The following PLA2G7 variants were observed in gnomAD, a reference collection of about 807,000 sequenced individuals.
The protein encoded by PLA2G7 is phospholipase A2 group VII.
In PLA2G7, 63 loss-of-function variants were observed where a neutral mutation model predicts 49.6. That is an observed-to-expected ratio of 1.27 (90% CI 1.04 to 1.57). The LOEUF (loss-of-function observed/expected upper bound fraction) is 1.57. Among genes scored for constraint, PLA2G7 ranks in the 40% most tolerant of loss-of-function variants. The probability of loss-of-function intolerance (pLI) is 0.00; values close to 1 mark genes in which losing one functional copy is unlikely to be tolerated. For missense variants in PLA2G7, 596 were observed against 521.2 expected (o/e 1.14, Z -1.40); for synonymous variants, 193 against 169.9 (o/e 1.14, Z -1.06).
At position 46,732,963 on chromosome 6, in the gene PLA2G7, T is replaced by C. The variant is rs531956898; in HGVS notation, c.-35+2217A>G. 5.9e-5 allele frequency among the ~76,000 whole-genome samples: 9 copies of C among 152,312 alleles called. No homozygotes were observed. In the South Asian group the frequency reaches 1.5e-3, roughly 25 times the overall value. ...CATCTTGAGACGTCAGTCAGGCTTA[T>C]TATCACGAATCTTGAAAAAAAATTA... On this transcript the variant is annotated intron_variant, in intron 1 of 11. Coordinates refer to ENST00000274793, the MANE Select transcript of PLA2G7 (RefSeq NM_005084.4).
chr6:46,706,536 G>A (rs1186745327), intron 10 of PLA2G7, among the ~76,000 whole-genome samples: 1 of 152,206 alleles, frequency 6.6e-6, no homozygotes, highest in Non-Finnish European at 1.5e-5. Context: ...GATGCAGAGA[G>A]CAAGGTTGAG....
intron 10 of PLA2G7, 84 bp from the exon 11 acceptor site, chr6:46,705,385 CTTG>C: frequency 2.7e-6 from 3 of 1,097,390 alleles, no homozygotes; most frequent in South Asian, 1.3e-5. Context: ...AGGTACTGGT[CTTG>C]TTGGTCTGTT....
intron 5 of PLA2G7, among the ~76,000 whole-genome samples, chr6:46,713,435 T>C (rs971577513): frequency 3.3e-5 from 5 of 152,114 alleles, no homozygotes; most frequent in African/African-American, 9.7e-5. Flanking sequence ...CCATAGACAG[T>C]GTACAAAAAT....
intron 2 of PLA2G7, among the ~76,000 whole-genome samples, chr6:46,720,742 C>T (rs751967422): frequency 3.6e-4 from 55 of 152,322 alleles, no homozygotes; most frequent in African/African-American, 1.2e-3. Context: ...AGGATTGGAA[C>T]CTATGGCATG....
chr6:46,711,152 C>T lies in PLA2G7; in HGVS notation c.663+344G>A, dbSNP rs148042078. Among the ~76,000 whole-genome samples, 418 of 152,282 alleles carry T rather than the reference C, an allele frequency of 2.7e-3. 2 individuals are homozygous for T. The highest frequency in any genetic ancestry group is 9.4e-3 in the African/African-American group (392 of 41,570). ...CCCATACTCTTAATTCTATTGTATA[C>T]TGCCTCTCTGAAAAGTAGTCTTTTT... On this transcript the variant is annotated intron_variant, in intron 7 of 11. Coordinates refer to ENST00000274793, the MANE Select transcript of PLA2G7 (RefSeq NM_005084.4).
chr6:46,704,467 C>T lies in PLA2G7; in HGVS notation c.*93G>A. 1 of 418,678 alleles carries T rather than the reference C, an allele frequency of 2.4e-6. No individual in the cohort carries two copies. The highest frequency in any genetic ancestry group is 4.0e-6 in the Non-Finnish European group (1 of 248,944). 25.9% of individuals were successfully genotyped at this position (418,678 alleles called of 1,614,324 possible). A position where few individuals can be genotyped will look rare whatever the true frequency, so the allele number is the denominator to read the frequency against. The stretch of plus-strand genomic sequence containing the variant: ...TCTCTCTCTCTCTCTCTCTCTCTCT[C>T]TCTCTCTCTCTCACACACACACACA... On this transcript the variant is annotated 3_prime_UTR_variant, in exon 12 of 12. Coordinates refer to ENST00000274793, the MANE Select transcript of PLA2G7 (RefSeq NM_005084.4).
chr6:46,716,598 A>G, intron 3 of PLA2G7, 70 bp from the exon 4 acceptor site: 1 of 1,522,050 alleles, frequency 6.6e-7, no homozygotes, highest in Non-Finnish European at 9.1e-7. Flanking sequence ...GCTATTTTGC[A>G]TATTTAATTA....
At chr6:46,706,633 A>G (rs1764840914) in intron 10 of PLA2G7, among the ~76,000 whole-genome samples, 1 of 152,248 alleles carries the variant, frequency 6.6e-6, no homozygotes, top group Admixed American at 6.5e-5. Flanking sequence ...AAGCTAGACC[A>G]CAAGAGTCAA....
At position 46,709,415 on chromosome 6, in the gene PLA2G7, A is replaced by T; in HGVS notation, c.781T>A (p.Ser261Thr). ...LKFDMEQLKDSIDREKIAVIG... is the reference protein window; with the variant it reads ...LKFDMEQLKDTIDREKIAVIG... ...ACTGCTATTTTTTCCCTATCAATAG[A>T]GTCCTATTTGAAAAAGCATGATATA... Residue 261 changes from serine (S) to threonine (T), a missense_variant, in exon 9 of 12, where the codon TCT (serine) becomes ACT (threonine). Coordinates refer to ENST00000274793, the MANE Select transcript of PLA2G7 (RefSeq NM_005084.4). The T allele has an allele frequency of 4.5e-6, 7 of 1,562,430 alleles. No individual in the cohort carries two copies. The highest frequency in any genetic ancestry group is 6.2e-6 in the Non-Finnish European group (7 of 1,133,456).
rs779694826 is a variant in PLA2G7, at chr6:46,708,059, A to C, written c.972T>G (p.Tyr324Ter). ...LFFINSEYFQ[Y>*]PANIIKMKKC... The stretch of plus-strand genomic sequence containing the variant: ...TTTTCATTTTTATGATATTAGCAGG[A>C]TATTGGAAATATTCAGAGTTGATAA... Residue 324 changes from tyrosine to a stop codon, truncating the protein, a stop_gained, in exon 10 of 12, where the codon TAT (tyrosine) becomes TAG (stop). Transcript: ENST00000274793. LOFTEE classifies it high-confidence loss of function. The C allele has an allele frequency of 4.4e-6, 7 of 1,591,816 alleles. No individual in the cohort carries two copies. Among genetic ancestry groups the C allele is most frequent in the South Asian group, 3.3e-5 (3 of 90,616 alleles).
chr6:46,731,133 A>G (rs1023598384), intron 1 of PLA2G7, among the ~76,000 whole-genome samples: 3 of 152,232 alleles, frequency 2.0e-5, no homozygotes, highest in African/African-American at 7.2e-5. Context: ...GAGTCAGGAA[A>G]GAGAAATAGA....
chr6:46,720,277 CA>C (rs1285394813), intron 2 of PLA2G7, among the ~76,000 whole-genome samples: 1 of 152,238 alleles, frequency 6.6e-6, no homozygotes, highest in Non-Finnish European at 1.5e-5. Context: ...TCACCCAACA[CA>C]AGCCTCCGCT....
At chr6:46,716,666 T>C (rs1202055656) in intron 3 of PLA2G7, 138 bp from the exon 4 acceptor site, 4 of 794,032 alleles carry the variant, frequency 5.0e-6, no homozygotes, top group Admixed American at 5.2e-5. Context: ...TTTAGGCTGC[T>C]GTGGTGATTG....
chr6:46,718,878 T>C (rs923177979), intron 2 of PLA2G7, among the ~76,000 whole-genome samples: 10 of 152,236 alleles, frequency 6.6e-5, no homozygotes, highest in African/African-American at 2.4e-4. Context: ...GTCTGGCACA[T>C]AGTCAATGCT....
intron 1 of PLA2G7, among the ~76,000 whole-genome samples, chr6:46,723,150 T>C (rs1395013055): frequency 6.6e-6 from 1 of 152,142 alleles, no homozygotes; most frequent in Non-Finnish European, 1.5e-5. Flanking sequence ...AGCAGAGAAA[T>C]AATACTTTCA....
At chr6:46,705,521 A>G (rs933353883) in intron 10 of PLA2G7, among the ~76,000 whole-genome samples, 3 of 152,188 alleles carry the variant, frequency 2.0e-5, no homozygotes, top group African/African-American at 7.2e-5. Context: ...AATACAACTC[A>G]AAGAATCTTG....
At chr6:46,721,992 A>G (rs1226000987) in intron 2 of PLA2G7, among the ~76,000 whole-genome samples, 1 of 152,128 alleles carries the variant, frequency 6.6e-6, no homozygotes, top group Non-Finnish European at 1.5e-5. Context: ...TGCTCTCCAT[A>G]GGAGACTGGA....
intron 1 of PLA2G7, 124 bp from the exon 2 acceptor site, chr6:46,723,049 G>T (rs1346532090): frequency 1.6e-6 from 1 of 641,062 alleles, no homozygotes; most frequent in Admixed American, 2.3e-5. Context: ...TATTTTCTGT[G>T]CTGGGTTTTA....
intron 11 of PLA2G7, among the ~76,000 whole-genome samples, 167 bp downstream of exon 11, chr6:46,704,986 A>G (rs1370247138): frequency 2.0e-5 from 3 of 152,290 alleles, no homozygotes; most frequent in South Asian, 2.1e-4. Context: ...AGAGGATGTA[A>G]AGCAGCAAAA....
Sources: allele counts gnomAD v4.1 joint callset (sites outside exome capture counted in the v4.1 genomes callset), GRCh38; gene constraint gnomAD v4.1.1; transcripts MANE v1.5; gene names NCBI Gene and HGNC (gene_info 2026-07-23, HGNC 2026-07-21).